Variants in CPEB3 observed in about 807,000 individuals in gnomAD.
CPEB3 encodes the protein cytoplasmic polyadenylation element-binding protein 3.
Under a neutral mutation model 67.2 loss-of-function variants are expected in CPEB3, and 20 were observed. The ratio of observed to expected loss-of-function variants is 0.30; its 90% CI spans 0.21 to 0.43. The LOEUF (loss-of-function observed/expected upper bound fraction) is 0.43. Among genes scored for constraint, CPEB3 ranks in the 20% least tolerant of loss-of-function variants. The pLI is 1.00. For synonymous variants in CPEB3, 376 were observed against 393.1 expected (o/e 0.96, Z 0.51); for missense variants, 746 against 968.6 (o/e 0.77, Z 3.05).
In CPEB3 at chr10:92,252,539, T is replaced by A. The variant is rs545997809; in HGVS notation, c.-11-12178A>T. ...CCTGAAAACAACCCAAATATCCATC[T>A]GTAATAGAATGGATAAATAAATTTG... On this transcript the variant is annotated intron_variant, in intron 1 of 9. Transcript: ENST00000265997. 1.1e-4 allele frequency among the ~76,000 whole-genome samples: 16 copies of A among 152,310 alleles called. No homozygotes were observed. In the South Asian group the frequency reaches 3.3e-3, roughly 32 times the overall value.
chr10:92,108,036 C>T (rs1480353138), intron 7 of CPEB3, among the ~76,000 whole-genome samples: 3 of 152,110 alleles, frequency 2.0e-5, no homozygotes, highest in South Asian at 2.1e-4. Flanking sequence ...ATTAGAAAAA[C>T]AATCTGATTA....
At chr10:92,250,858 A>ATTTTTTTTTTTTTTTTTTT (rs1211646953) in intron 1 of CPEB3, among the ~76,000 whole-genome samples, 7 of 104,120 alleles carry the variant, frequency 6.7e-5, no homozygotes, top group East Asian at 2.8e-4. Flanking sequence ...CACACAGTTA[A>ATTTTTTTTTTTTTTTTTTT]TTTTTTTTTT....
rs373918938 is a variant in CPEB3 at position 92,239,847 on chromosome 10, C to A, written c.504G>T (p.Pro168=). ...AQTQHHQQPP[P]PAPAPQPAQP... ...GTGCCGGCTGCGGCGCGGGCGCAGG[C>A]GGCGGCGGCTGCTGGTGGTGCTGGG... The change falls in exon 2 of 10, where the codon CCG becomes CCT. Residue 168 remains proline, a synonymous_variant. Coordinates refer to ENST00000265997, the MANE Select transcript of CPEB3 (RefSeq NM_014912.5). The surrounding 1 kb of genome is among the most constrained non-coding windows in gnomAD (Gnocchi z 6.0). 2.7e-6 allele frequency: 4 copies of A among 1,504,896 alleles called. No homozygotes were observed. The Admixed American group carries it at 6.4e-5, about 24-fold the overall frequency. 93.2% of individuals were successfully genotyped at this position (1,504,896 alleles called of 1,614,324 possible).
chr10:92,053,557 T>TAG (rs1841993662), intron 9 of CPEB3, among the ~76,000 whole-genome samples: 5 of 150,054 alleles, frequency 3.3e-5, no homozygotes, highest in Admixed American at 2.0e-4. Context: ...TTTTTTTTTT[T>TAG]TTGAGATGGA....
At chr10:92,286,301 T>A (rs1842523499) in intron 1 of CPEB3, among the ~76,000 whole-genome samples, 1 of 152,010 alleles carries the variant, frequency 6.6e-6, no homozygotes, top group Non-Finnish European at 1.5e-5. Context: ...AGGGTAGCTA[T>A]AGGCCAGGCA....
chr10:92,097,904 G>A lies in CPEB3; in HGVS notation c.1573-5960C>T, dbSNP rs1244506805. On this transcript the variant is annotated intron_variant, in intron 7 of 9. Transcript: ENST00000265997. The stretch of plus-strand genomic sequence containing the variant: ...CAGCCAGGCACAGTGGCTCACACCT[G>A]TAATCCCAGCACTTTGGGAGGCCGA... Among the ~76,000 whole-genome samples, 2 of 152,004 alleles carry A rather than the reference G, an allele frequency of 1.3e-5. 1 individual carries two copies. The highest frequency in any genetic ancestry group is 2.9e-5 in the Non-Finnish European group (2 of 68,002).
intron 1 of CPEB3, among the ~76,000 whole-genome samples, chr10:92,274,603 G>A (rs2135017293): frequency 6.6e-6 from 1 of 152,260 alleles, no homozygotes; most frequent in Admixed American, 6.5e-5. Flanking sequence ...GACTTCGGGA[G>A]GCCCAGGCGG....
intron 9 of CPEB3, among the ~76,000 whole-genome samples, chr10:92,078,943 A>G (rs1239384361): frequency 6.6e-6 from 1 of 152,214 alleles, no homozygotes; most frequent in African/African-American, 2.4e-5. Flanking sequence ...ATAGGCCAGG[A>G]GGTCCGTAGA....
At chr10:92,203,423 T>G in intron 2 of CPEB3, among the ~76,000 whole-genome samples, 1 of 143,906 alleles carries the variant, frequency 6.9e-6, no homozygotes, top group African/African-American at 2.7e-5. Flanking sequence ...TATGTATATA[T>G]ATACGTATAT....
Position 92,052,222 on chromosome 10 carries a change from C to A in CPEB3, c.2087G>T (p.Arg696Leu). The change falls in exon 10 of 10, where the codon CGC (arginine) becomes CTC (leucine). Residue 696 changes from arginine (R) to leucine (L), a missense_variant. By Grantham distance (102) the Arg-to-Leu change is moderately radical. Around this residue, in one of 2 missense-constraint regions of CPEB3, gnomAD observed 103 missense variants for 251.1 expected, o/e 0.41. Transcript: ENST00000265997. ...GGDRPRHVPFRWS is the reference protein window; with the variant it reads ...GGDRPRHVPFLWS ...GGGTCGGCCCGTGGCTCAGCTCCAG[C>A]GGAACGGGACGTGACGAGGGCGGTC... 1 of 1,612,872 alleles carries A rather than the reference C, an allele frequency of 6.2e-7. No individual in the cohort carries two copies.
chr10:92,229,840 G>C (rs1851179955), intron 2 of CPEB3, among the ~76,000 whole-genome samples: 1 of 152,150 alleles, frequency 6.6e-6, no homozygotes, highest in Non-Finnish European at 1.5e-5. Flanking sequence ...AGGTCGAGAG[G>C]TCGGGACCAG....
At chr10:92,170,183 G>A (rs976188784) in intron 4 of CPEB3, among the ~76,000 whole-genome samples, 1 of 152,068 alleles carries the variant, frequency 6.6e-6, no homozygotes, top group African/African-American at 2.4e-5. Flanking sequence ...TTCCTGTCTT[G>A]TACAAAATGC....
At chr10:92,180,760 A>G (rs1230320095) in intron 4 of CPEB3, among the ~76,000 whole-genome samples, 1 of 152,176 alleles carries the variant, frequency 6.6e-6, no homozygotes, top group Non-Finnish European at 1.5e-5. Flanking sequence ...TAGCCCTGTC[A>G]TGGGGCCTGA....
chr10:92,173,330 C>T (rs866105647), intron 4 of CPEB3, among the ~76,000 whole-genome samples: 4 of 152,084 alleles, frequency 2.6e-5, no homozygotes, highest in African/African-American at 9.7e-5. Flanking sequence ...TCACTTTAGA[C>T]ACATTCACAA....
chr10:92,213,656 G>T (rs1850203311), intron 2 of CPEB3, among the ~76,000 whole-genome samples: 1 of 152,014 alleles, frequency 6.6e-6, no homozygotes, highest in South Asian at 2.1e-4. Context: ...TTTATGATTT[G>T]ACACTTAACT....
At chr10:92,203,158 G>A (rs1205217675) in intron 2 of CPEB3, among the ~76,000 whole-genome samples, 1 of 150,972 alleles carries the variant, frequency 6.6e-6, no homozygotes, top group African/African-American at 2.4e-5. Context: ...AGCCAGAATG[G>A]TCTTGATCTC....
intron 1 of CPEB3, among the ~76,000 whole-genome samples, chr10:92,289,732 A>AAT (rs71025390): frequency 0.094 from 7,043 of 75,304 alleles, 1,009 homozygotes; most frequent in Non-Finnish European, 0.13. Flanking sequence ...AAAAAAAAAA[A>AAT]ATATATATAT....
chr10:92,058,576 CATACATACATACATACATAT>C (rs939228829), intron 9 of CPEB3, among the ~76,000 whole-genome samples: 4 of 120,566 alleles, frequency 3.3e-5, no homozygotes, highest in Non-Finnish European at 5.5e-5. Context: ...TACATACATA[CATACATACATACATACATAT>C]ATATATATAT....
At chr10:92,106,814 C>CAAAAAAAAAAAA (rs531195477) in intron 7 of CPEB3, among the ~76,000 whole-genome samples, 12 of 55,984 alleles carry the variant, frequency 2.1e-4, no homozygotes, top group African/African-American at 6.1e-4. Flanking sequence ...GACTCTGTCT[C>CAAAAAAAAAAAA]AAAAAAAAAA....
Sources: gnomAD v4.1 joint callset for allele counts (sites outside exome capture counted in the v4.1 genomes callset) on GRCh38, gnomAD v4.1.1 for gene constraint, gnomAD v4.1.1 regional missense constraint, Gnocchi (gnomAD v3.1) non-coding constraint, MANE v1.5 for transcripts, NCBI Gene and HGNC (gene_info 2026-07-23, HGNC 2026-07-21) for gene names.